SLC18A1: variants seen among roughly 807,000 people sequenced by gnomAD.
SLC18A1 encodes chromaffin granule amine transporter.
Under a neutral mutation model 53.7 loss-of-function variants are expected in SLC18A1, and 69 were observed. The observed-to-expected ratio is 1.28, with a 90% CI of 1.06 to 1.57. The LOEUF (loss-of-function observed/expected upper bound fraction) is 1.57, where lower values mean the gene tolerates loss of function less well. Ranked by LOEUF, SLC18A1 falls within the 40% of genes most tolerant of loss-of-function variation. The pLI is 0.00. For synonymous variants in SLC18A1, 320 were observed against 248.1 expected (o/e 1.29, Z -2.72); for missense variants, 932 against 668.1 (o/e 1.40, Z -4.35).
intron 4 of SLC18A1, among the ~76,000 whole-genome samples, chr8:20,177,716 A>G (rs1404015258): frequency 6.6e-6 from 1 of 152,204 alleles, no homozygotes; most frequent in Non-Finnish European, 1.5e-5. Flanking sequence ...CAGCAGGGCC[A>G]TCGGGAACCA....
intron 10 of SLC18A1, among the ~76,000 whole-genome samples, chr8:20,163,828 G>C (rs2071888202): frequency 6.6e-6 from 1 of 152,152 alleles, no homozygotes; most frequent in Non-Finnish European, 1.5e-5. Context: ...CTGAGTGACT[G>C]GTAACTGAGT....
In SLC18A1 at chr8:20,145,675, C is replaced by G. The variant is rs2071376627; in HGVS notation, c.*88G>C. 1.3e-6 allele frequency: 1 copy of G among 755,902 alleles called. No homozygotes were observed. The highest frequency in any genetic ancestry group is 1.9e-5 in the South Asian group (1 of 52,502). 46.8% of individuals were successfully genotyped at this position (755,902 alleles called of 1,614,324 possible). On this transcript the variant is annotated 3_prime_UTR_variant, in exon 16 of 16. Coordinates refer to ENST00000276373, the MANE Select transcript of SLC18A1 (RefSeq NM_003053.4). ...CCCAGGCAGAGGTATGTGAAGCCCA[C>G]TGAGCCGTGGGCTCAGCCATGGTGA...
chr8:20,159,651 A>G (rs58944994), intron 10 of SLC18A1, among the ~76,000 whole-genome samples: 9 of 68,438 alleles, frequency 1.3e-4, no homozygotes, highest in South Asian at 9.5e-4. Context: ...AAAAAAAAAA[A>G]AAAAAAAAAA....
intron 10 of SLC18A1, among the ~76,000 whole-genome samples, chr8:20,157,802 C>T (rs55648504): frequency 0.28 from 42,640 of 151,976 alleles, 6,960 homozygotes; most frequent in Non-Finnish European, 0.37. Flanking sequence ...TGGAATGGGA[C>T]GAACGGGAGA....
At chr8:20,161,829 G>GC (rs556602739) in intron 10 of SLC18A1, among the ~76,000 whole-genome samples, 34 of 152,184 alleles carry the variant, frequency 2.2e-4, no homozygotes, top group Non-Finnish European at 2.4e-4. Flanking sequence ...GCATCAGGCA[G>GC]CCCCATGTCT....
intron 10 of SLC18A1, among the ~76,000 whole-genome samples, chr8:20,158,730 G>T (rs1472072501): frequency 1.3e-5 from 2 of 152,096 alleles, no homozygotes; most frequent in Admixed American, 6.5e-5. Flanking sequence ...TATCAGTGAG[G>T]CTATTGTCCC....
intron 3 of SLC18A1, 100 bp downstream of exon 3, chr8:20,179,021 A>G: frequency 1.4e-6 from 2 of 1,401,964 alleles, no homozygotes. Flanking sequence ...GGAATCATAC[A>G]AGTGAGTATT....
rs1032902975 is a variant in SLC18A1, at chr8:20,145,275, A to G, written c.*488T>C. 6.6e-6 allele frequency: 1 copy of G among 152,378 alleles called. No homozygotes were observed. Among genetic ancestry groups the G allele is most frequent in the African/African-American group, 2.4e-5 (1 of 41,442 alleles). 9.4% of individuals were successfully genotyped at this position (152,378 alleles called of 1,614,324 possible). A position where few individuals can be genotyped will look rare whatever the true frequency, so the allele number is the denominator to read the frequency against. ...CTTCAAGCTGGCATTTGGCAGCAAG[A>G]CAATGCTGAGAACATTTTCTCAACT... On this transcript the variant is annotated 3_prime_UTR_variant, in exon 16 of 16. Transcript: ENST00000276373.
rs770175746 is a variant in SLC18A1 at position 20,147,662 on chromosome 8, G to A, written c.1271C>T (p.Ser424Leu). 25 of 1,613,842 alleles carry A rather than the reference G, an allele frequency of 1.5e-5. No homozygotes were observed. The highest frequency in any genetic ancestry group is 1.3e-4 in the South Asian group (12 of 91,040). ...MGHLVDLRHTSVYGSVYAIAD... is the reference protein window; with the variant it reads ...MGHLVDLRHTLVYGSVYAIAD... Reference sequence around the variant, plus strand: ...GATGGCGTAGACACTCCCATACACCGAGGTGTGGCGTAGATCCACCAGGTG... The same window carrying A: ...GATGGCGTAGACACTCCCATACACCAAGGTGTGGCGTAGATCCACCAGGTG... The change falls in exon 14 of 16, where the codon TCG (serine) becomes TTG (leucine). Residue 424 changes from serine to leucine, a missense_variant. Coordinates refer to ENST00000276373, the MANE Select transcript of SLC18A1 (RefSeq NM_003053.4).
intron 9 of SLC18A1, 22 bp downstream of exon 9, chr8:20,165,025 T>C: frequency 6.2e-7 from 1 of 1,613,998 alleles, no homozygotes; most frequent in Middle Eastern, 1.6e-4. Flanking sequence ...CCCCGCCCAA[T>C]GGGAGGTCAT....
intron 6 of SLC18A1, among the ~76,000 whole-genome samples, chr8:20,171,997 G>T (rs2072134558): frequency 6.6e-6 from 1 of 152,236 alleles, no homozygotes; most frequent in Non-Finnish European, 1.5e-5. Flanking sequence ...CCTTGCATAT[G>T]CAGGAACCTT....
chr8:20,159,472 A>T (rs1227957389), intron 10 of SLC18A1, among the ~76,000 whole-genome samples: 3 of 152,032 alleles, frequency 2.0e-5, no homozygotes, highest in African/African-American at 7.2e-5. Context: ...TAAAAGCAGG[A>T]GGTAAAGAAA....
intron 10 of SLC18A1, among the ~76,000 whole-genome samples, chr8:20,154,800 G>A (rs1038474871): frequency 2.0e-5 from 3 of 152,140 alleles, no homozygotes; most frequent in Admixed American, 6.5e-5. Context: ...CTTCTGGTCC[G>A]TGTTTGTTCT....
chr8:20,153,401 G>T (rs2071607699), intron 10 of SLC18A1, among the ~76,000 whole-genome samples: 1 of 151,810 alleles, frequency 6.6e-6, no homozygotes, highest in African/African-American at 2.4e-5. Context: ...GGACAGGCTG[G>T]GCGCTGTGGC....
rs1283333947 is a variant in SLC18A1 at position 20,145,465 on chromosome 8, T to C, written c.*298A>G. ...CTCACTACCACCTCTATGCAATGAGTCACCCCTTGCAGAACCCGTCACAGC... is the reference window on the plus strand; with the variant it reads ...CTCACTACCACCTCTATGCAATGAGCCACCCCTTGCAGAACCCGTCACAGC... On this transcript the variant is annotated 3_prime_UTR_variant, in exon 16 of 16. Coordinates refer to ENST00000276373, the MANE Select transcript of SLC18A1 (RefSeq NM_003053.4). The C allele has an allele frequency of 4.2e-6, 1 of 236,394 alleles. No individual in the cohort carries two copies. Among genetic ancestry groups the C allele is most frequent in the Non-Finnish European group, 8.2e-6 (1 of 122,414 alleles). 14.6% of individuals were successfully genotyped at this position (236,394 alleles called of 1,614,324 possible).
At chr8:20,174,053 T>A (rs138190016) in intron 5 of SLC18A1, among the ~76,000 whole-genome samples, 5,395 of 152,126 alleles carry the variant, frequency 0.035, 146 homozygotes, top group Non-Finnish European at 0.053. Context: ...CACACCACCA[T>A]GCCTGGCTAA....
intron 12 of SLC18A1, 117 bp downstream of exon 12, chr8:20,149,559 A>G: frequency 1.3e-6 from 1 of 765,160 alleles, no homozygotes; most frequent in Non-Finnish European, 2.1e-6. Flanking sequence ...TTAGTCTTTA[A>G]ATGTCTGTGT....
At position 20,160,773 on chromosome 8, in the gene SLC18A1, G is replaced by A. The variant is rs553060238; in HGVS notation, c.1015+4096C>T. On this transcript the variant is annotated intron_variant, in intron 10 of 15. Coordinates refer to ENST00000276373, the MANE Select transcript of SLC18A1 (RefSeq NM_003053.4). Reference sequence around the variant, plus strand: ...ATGTATTTGGATCACAATGCTGGAAGCTGGGAATCGCAAGTGCATGGCACC... The same window carrying A: ...ATGTATTTGGATCACAATGCTGGAAACTGGGAATCGCAAGTGCATGGCACC... Among the ~76,000 whole-genome samples the A allele has an allele frequency of 2.0e-5, 3 of 152,292 alleles. No homozygotes were observed. The East Asian group carries it at 5.8e-4, about 29-fold the overall frequency.
intron 7 of SLC18A1, 74 bp downstream of exon 7, chr8:20,171,331 A>C: frequency 1.5e-6 from 2 of 1,373,264 alleles, no homozygotes; most frequent in Non-Finnish European, 2.1e-6. Flanking sequence ...CTTAGTGAAG[A>C]CTGACACTAC....
Sources: gnomAD v4.1 joint callset for allele counts (sites outside exome capture counted in the v4.1 genomes callset) on GRCh38, gnomAD v4.1.1 for gene constraint, MANE v1.5 for transcripts, NCBI Gene and HGNC (gene_info 2026-07-23, HGNC 2026-07-21) for gene names.